The following KCND2 variants were observed in gnomAD, a reference collection of about 807,000 sequenced individuals.
KCND2 encodes the protein A-type voltage-gated potassium channel KCND2.
A neutral mutation model predicts 54.4 loss-of-function variants in KCND2; 16 were observed. The observed-to-expected ratio is 0.29, with a 90% CI of 0.20 to 0.45. The LOEUF is 0.45. Among genes scored for constraint, KCND2 ranks in the 20% least tolerant of loss-of-function variants. The pLI is 1.00. For missense variants in KCND2, 486 were observed against 824.2 expected (o/e 0.59, Z 5.02); for synonymous variants, 317 against 310.7 (o/e 1.02, Z -0.21).
chr7:120,320,906 G>A (rs185040224), intron 1 of KCND2, among the ~76,000 whole-genome samples: 20 of 152,196 alleles, frequency 1.3e-4, no homozygotes, highest in Admixed American at 2.6e-4. Flanking sequence ...AGGTTAAAGC[G>A]TCTGTGGAAA....
chr7:120,593,255 T>C (rs192609253), intron 1 of KCND2, among the ~76,000 whole-genome samples: 32 of 152,292 alleles, frequency 2.1e-4, no homozygotes, highest in Admixed American at 7.2e-4. Context: ...GCTGATCCAA[T>C]CACATACTAA....
At chr7:120,462,029 C>T (rs1398569161) in intron 1 of KCND2, among the ~76,000 whole-genome samples, 2 of 152,016 alleles carry the variant, frequency 1.3e-5, no homozygotes, top group African/African-American at 4.8e-5. Context: ...AATTAAATTC[C>T]TCTTACAATG....
At chr7:120,660,762 G>A (rs1791856274) in intron 1 of KCND2, among the ~76,000 whole-genome samples, 1 of 152,124 alleles carries the variant, frequency 6.6e-6, no homozygotes, top group Non-Finnish European at 1.5e-5. Flanking sequence ...CTTGGCCTCA[G>A]TTAATGGTTT....
At chr7:120,377,025 G>A (rs960452045) in intron 1 of KCND2, among the ~76,000 whole-genome samples, 2 of 151,848 alleles carry the variant, frequency 1.3e-5, no homozygotes, top group African/African-American at 4.8e-5. Flanking sequence ...TTGATGTTTG[G>A]TTTAGCATTA....
At chr7:120,734,160 T>A (rs552154564) in intron 2 of KCND2, among the ~76,000 whole-genome samples, 64 of 152,216 alleles carry the variant, frequency 4.2e-4, no homozygotes, top group Non-Finnish European at 7.4e-4. Flanking sequence ...TTGTACTGAT[T>A]ATAGCTCAGC....
chr7:120,556,468 A>G (rs1250213677), intron 1 of KCND2, among the ~76,000 whole-genome samples: 2 of 152,218 alleles, frequency 1.3e-5, no homozygotes, highest in Non-Finnish European at 2.9e-5. Context: ...GAAGGCAGAG[A>G]GGTCTTACTG....
intron 1 of KCND2, among the ~76,000 whole-genome samples, chr7:120,495,015 A>G (rs1177841508): frequency 7.2e-5 from 11 of 152,170 alleles, no homozygotes; most frequent in Admixed American, 7.2e-4. Context: ...GTGTTGCCAC[A>G]AGTAGTTATT....
intron 1 of KCND2, among the ~76,000 whole-genome samples, chr7:120,537,675 G>A (rs60553829): frequency 0.017 from 2,589 of 152,264 alleles, 77 homozygotes; most frequent in African/African-American, 0.058. Context: ...ATCTATATTA[G>A]CACTTACTGC....
rs576166949 is a variant in KCND2, at chr7:120,663,162, G to A, written c.1116-69741G>A. Among the ~76,000 whole-genome samples the A allele has an allele frequency of 8.3e-4, 127 of 152,154 alleles. 1 individual carries two copies. Among genetic ancestry groups the A allele is most frequent in the African/African-American group, 2.6e-3 (109 of 41,488 alleles). On this transcript the variant is annotated intron_variant, in intron 1 of 5. Coordinates refer to ENST00000331113, the MANE Select transcript of KCND2 (RefSeq NM_012281.3). The stretch of plus-strand genomic sequence containing the variant: ...GTAATTTAATTTCTTCCTCTTATGC[G>A]TTCTTGAAGCATTTTCTTAGTACAA...
intron 1 of KCND2, among the ~76,000 whole-genome samples, chr7:120,392,852 A>T (rs1029043166): frequency 2.6e-5 from 4 of 152,004 alleles, no homozygotes; most frequent in Non-Finnish European, 5.9e-5. Flanking sequence ...TACCAATATC[A>T]CAAAATTTAA....
rs767500588 is a variant in KCND2, at chr7:120,733,085, C to A, written c.1278+20C>A. On this transcript the variant is annotated intron_variant, in intron 2 of 5. Coordinates refer to ENST00000331113, the MANE Select transcript of KCND2 (RefSeq NM_012281.3). ...CAAAAGGTGCGTATTCAACTCCGTG[C>A]AACCATGGTTTAGCACTTCCCACTT... 3 of 1,612,434 alleles carry A rather than the reference C, an allele frequency of 1.9e-6. No homozygotes were observed. Among genetic ancestry groups the A allele is most frequent in the African/African-American group, 2.7e-5 (2 of 74,838 alleles).
At chr7:120,410,032 T>C (rs1236449299) in intron 1 of KCND2, among the ~76,000 whole-genome samples, 1 of 151,944 alleles carries the variant, frequency 6.6e-6, no homozygotes, top group Non-Finnish European at 1.5e-5. Flanking sequence ...AAGTTTATAC[T>C]TCATTTATAG....
At chr7:120,346,853 A>G (rs1241691955) in intron 1 of KCND2, among the ~76,000 whole-genome samples, 1 of 152,204 alleles carries the variant, frequency 6.6e-6, no homozygotes, top group Admixed American at 6.5e-5. Flanking sequence ...TGACATGAAA[A>G]GAATTATTAA....
At chr7:120,284,830 C>G (rs1799316475) in intron 1 of KCND2, among the ~76,000 whole-genome samples, 1 of 152,146 alleles carries the variant, frequency 6.6e-6, no homozygotes, top group South Asian at 2.1e-4. Flanking sequence ...ATTTCTTTCT[C>G]TACTTTATGC....
intron 1 of KCND2, among the ~76,000 whole-genome samples, chr7:120,424,138 A>C (rs911928292): frequency 2.0e-5 from 3 of 152,170 alleles, no homozygotes; most frequent in Non-Finnish European, 2.9e-5. Context: ...ATTGATGACA[A>C]ATTTGATGCT....
At chr7:120,423,913 A>T (rs1039083871) in intron 1 of KCND2, among the ~76,000 whole-genome samples, 1 of 152,238 alleles carries the variant, frequency 6.6e-6, no homozygotes, top group Non-Finnish European at 1.5e-5. Context: ...AAAACTTTTG[A>T]ATAGAGAGAT....
chr7:120,520,744 A>C (rs1791680763), intron 1 of KCND2, among the ~76,000 whole-genome samples: 1 of 152,188 alleles, frequency 6.6e-6, no homozygotes, highest in Non-Finnish European at 1.5e-5. Context: ...GACGAGAGAC[A>C]CAAAGGTTTG....
chr7:120,282,108 T>C (rs1799274160), intron 1 of KCND2, among the ~76,000 whole-genome samples: 1 of 152,126 alleles, frequency 6.6e-6, no homozygotes, highest in Non-Finnish European at 1.5e-5. Flanking sequence ...TTGGGAAGCA[T>C]ATGGAGATGC....
At chr7:120,446,282 G>T (rs1320216102) in intron 1 of KCND2, among the ~76,000 whole-genome samples, 2 of 152,140 alleles carry the variant, frequency 1.3e-5, no homozygotes, top group African/African-American at 4.8e-5. Context: ...TTAGATGTAT[G>T]TTGAATTTGA....
Sources: gnomAD v4.1 joint callset for allele counts (sites outside exome capture counted in the v4.1 genomes callset) on GRCh38, gnomAD v4.1.1 for gene constraint, MANE v1.5 for transcripts, NCBI Gene and HGNC (gene_info 2026-07-23, HGNC 2026-07-21) for gene names.